The following LSAMP variants were observed in gnomAD, a reference collection of about 807,000 sequenced individuals.
LSAMP encodes the protein limbic system-associated membrane protein.
LSAMP carries 7 observed loss-of-function variants against 38.6 expected under a neutral mutation model. The observed-to-expected ratio is 0.18, with a 90% confidence interval of 0.10 to 0.34. The LOEUF (loss-of-function observed/expected upper bound fraction) is 0.34, where lower values mean the gene tolerates loss of function less well. LSAMP is among the 10% of genes least tolerant of loss of function. The probability of loss-of-function intolerance (pLI) is 1.00; values close to 1 mark genes in which losing one functional copy is unlikely to be tolerated. For missense variants in LSAMP, 313 were observed against 420.0 expected, an observed-to-expected ratio of 0.75 and a Z score of 2.23; for synonymous variants, 154 against 166.8, an observed-to-expected ratio of 0.92 and a Z score of 0.59.
intron 3 of LSAMP, among the ~76,000 whole-genome samples, chr3:115,929,538 G>C (rs532750519): frequency 9.3e-4 from 141 of 152,188 alleles, no homozygotes; most frequent in South Asian, 1.9e-3. Flanking sequence ...GAGCAGGCAG[G>C]TGAAAATACA....
intron 1 of LSAMP, among the ~76,000 whole-genome samples, chr3:116,108,553 T>C (rs1164857885): frequency 6.6e-6 from 1 of 152,142 alleles, no homozygotes; most frequent in Non-Finnish European, 1.5e-5. Context: ...GTCTACGGTG[T>C]TTCCGAGGCA....
intron 1 of LSAMP, among the ~76,000 whole-genome samples, chr3:116,160,660 C>T (rs71323431): frequency 0.012 from 1,787 of 152,142 alleles, 16 homozygotes; most frequent in Non-Finnish European, 0.02. Flanking sequence ...TACCCCTGAA[C>T]CTAAAATTGA....
At chr3:116,200,648 G>A (rs2045975578) in intron 1 of LSAMP, among the ~76,000 whole-genome samples, 1 of 152,158 alleles carries the variant, frequency 6.6e-6, no homozygotes, top group Non-Finnish European at 1.5e-5. Context: ...AGCGAGCTTG[G>A]TTCAGTGATC....
chr3:115,819,458 G>T (rs1559835112), intron 6 of LSAMP, among the ~76,000 whole-genome samples: 2 of 151,956 alleles, frequency 1.3e-5, no homozygotes, highest in South Asian at 4.1e-4. Flanking sequence ...AAAGCGGATT[G>T]ATTAGGGCAT....
At chr3:116,356,026 C>CA (rs2048218724) in intron 1 of LSAMP, among the ~76,000 whole-genome samples, 1 of 152,058 alleles carries the variant, frequency 6.6e-6, no homozygotes, top group South Asian at 2.1e-4. Context: ...AGAGGTTCCT[C>CA]AAAAAACTAA....
chr3:116,118,660 A>T (rs1708807328), intron 1 of LSAMP, among the ~76,000 whole-genome samples: 1 of 152,152 alleles, frequency 6.6e-6, no homozygotes, highest in Non-Finnish European at 1.5e-5. Context: ...GCTCCGTGAG[A>T]CCAGAGGCTC....
At chr3:115,849,813 C>T (rs149580096) in intron 4 of LSAMP, among the ~76,000 whole-genome samples, 16 of 152,284 alleles carry the variant, frequency 1.1e-4, no homozygotes, top group African/African-American at 3.8e-4. Context: ...TTAATATAAA[C>T]ACAGCTCATG....
intron 1 of LSAMP, among the ~76,000 whole-genome samples, chr3:116,162,764 C>A (rs1051044412): frequency 3.2e-5 from 2 of 61,690 alleles, no homozygotes; most frequent in East Asian, 1.1e-3. Flanking sequence ...TATACACACA[C>A]TTATACACAC....
intron 2 of LSAMP, among the ~76,000 whole-genome samples, chr3:116,055,818 A>G (rs1340401780): frequency 6.6e-6 from 1 of 152,216 alleles, no homozygotes; most frequent in African/African-American, 2.4e-5. Context: ...CTATATGTCA[A>G]GAGAGGATTT....
At chr3:115,818,364 GTTAAAAAACACTAAGT>G (rs954939219) in intron 6 of LSAMP, among the ~76,000 whole-genome samples, 1 of 152,060 alleles carries the variant, frequency 6.6e-6, no homozygotes, top group Non-Finnish European at 1.5e-5. Flanking sequence ...GCCATCTTCA[GTTAAAAAACACTAAGT>G]TTATGGTACA....
chr3:116,445,317 G>T lies in LSAMP; in HGVS notation c.-286C>A. ...GCAAGCCCTCTGGAAGAGCTGAAGAGGAAGCCAAAGGAAAGGGTTCTTGTT... is the reference window on the plus strand; with the variant it reads ...GCAAGCCCTCTGGAAGAGCTGAAGATGAAGCCAAAGGAAAGGGTTCTTGTT... On this transcript the variant is annotated 5_prime_UTR_variant, in exon 1 of 7. Transcript: ENST00000490035. 1.8e-6 allele frequency: 1 copy of T among 563,758 alleles called. No individual in the cohort carries two copies. Among genetic ancestry groups the T allele is most frequent in the South Asian group, 2.5e-5 (1 of 40,792 alleles). 34.9% of individuals were successfully genotyped at this position (563,758 alleles called of 1,614,324 possible).
chr3:115,953,404 T>TACACACACACACACACACACACACAC (rs71616336), intron 3 of LSAMP, among the ~76,000 whole-genome samples: 18 of 143,594 alleles, frequency 1.3e-4, no homozygotes, highest in Non-Finnish European at 2.3e-4. Flanking sequence ...GTAGTGTGCG[T>TACACACACACACACACACACACACAC]ACACACACAC....
At chr3:116,400,185 G>T (rs1454075453) in intron 1 of LSAMP, among the ~76,000 whole-genome samples, 1 of 151,820 alleles carries the variant, frequency 6.6e-6, no homozygotes, top group Non-Finnish European at 1.5e-5. Context: ...GTACTATTAG[G>T]CTTTAGTTTT....
chr3:115,841,864 A>G lies in LSAMP; in HGVS notation c.900T>C (p.Asn300=). ...CVAANKLGVT[N]ASLVLFRPGS... is the part of the protein sequence containing the mutation. The stretch of plus-strand genomic sequence containing the variant: ...ACTTACTGAAAAGGACTAGGCTGGC[A>G]TTGGTGACCCCCAGCTTGTTGGCAG... The change falls in exon 6 of 7, where the codon AAT becomes AAC. Residue 300 remains asparagine, a synonymous_variant. Transcript: ENST00000490035. The G allele has an allele frequency of 6.2e-7, 1 of 1,613,142 alleles. No individual in the cohort carries two copies. The highest frequency in any genetic ancestry group is 1.1e-5 in the South Asian group (1 of 90,824).
At chr3:116,263,574 CAT>C (rs1445751954) in intron 1 of LSAMP, among the ~76,000 whole-genome samples, 1 of 150,794 alleles carries the variant, frequency 6.6e-6, no homozygotes, top group Non-Finnish European at 1.5e-5. Flanking sequence ...TTTATAGTAA[CAT>C]ATATAAGAAA....
chr3:116,162,478 G>T (rs1387651963), intron 1 of LSAMP, among the ~76,000 whole-genome samples: 1 of 152,126 alleles, frequency 6.6e-6, no homozygotes, highest in Non-Finnish European at 1.5e-5. Context: ...GACTCACTTT[G>T]TTATCAGAGT....
Position 116,445,412 on chromosome 3 carries a change from T to C in LSAMP, c.-381A>G. On this transcript the variant is annotated 5_prime_UTR_variant, in exon 1 of 7. Coordinates refer to ENST00000490035, the MANE Select transcript of LSAMP (RefSeq NM_002338.5). ...AGCTCCTTCGCTCTGTAACCCACTT[T>C]CCCAGGCTGGCGGGCGGGCGGGCGA... 2.9e-6 allele frequency: 1 copy of C among 345,590 alleles called. No homozygotes were observed. Among genetic ancestry groups the C allele is most frequent in the Non-Finnish European group, 5.1e-6 (1 of 194,470 alleles). 21.4% of individuals were successfully genotyped at this position (345,590 alleles called of 1,614,324 possible). A position where few individuals can be genotyped will look rare whatever the true frequency, so the allele number is the denominator to read the frequency against.
chr3:116,246,448 T>C (rs4831126), intron 1 of LSAMP, among the ~76,000 whole-genome samples: 107,777 of 152,058 alleles, frequency 0.71, 40,061 homozygotes, highest in South Asian at 0.84. Context: ...ACATGTGATT[T>C]AAAATCTCCT....
At chr3:115,989,506 C>T (rs1165371826) in intron 3 of LSAMP, among the ~76,000 whole-genome samples, 3 of 151,922 alleles carry the variant, frequency 2.0e-5, no homozygotes, top group Admixed American at 6.6e-5. Flanking sequence ...TTTCCATGTT[C>T]TCTTTGCCCA....
Sources: allele counts gnomAD v4.1 joint callset (sites outside exome capture counted in the v4.1 genomes callset), GRCh38; gene constraint gnomAD v4.1.1; transcripts MANE v1.5; gene names NCBI Gene and HGNC (gene_info 2026-07-23, HGNC 2026-07-21).